Variants in APCDD1L observed in about 807,000 individuals in gnomAD.
APCDD1L encodes the protein protein APCDD1-like.
A neutral mutation model predicts 24.2 loss-of-function variants in APCDD1L; 21 were observed. The ratio of observed to expected loss-of-function variants is 0.87; its 90% CI spans 0.61 to 1.25. The LOEUF (loss-of-function observed/expected upper bound fraction) is 1.25. Among genes scored for constraint, APCDD1L ranks in the 50% most tolerant of loss-of-function variants. The pLI, the probability that APCDD1L is intolerant of heterozygous loss-of-function variation, is 0.00. For synonymous variants in APCDD1L, 321 were observed against 323.6 expected, an observed-to-expected ratio of 0.99 and a Z score of 0.09; for missense variants, 704 against 711.7, an observed-to-expected ratio of 0.99 and a Z score of 0.12.
chr20:58,461,219 A>C lies in APCDD1L; in HGVS notation c.1077T>G (p.His359Gln), dbSNP rs769339797. The C allele has an allele frequency of 6.2e-7, 1 of 1,613,596 alleles. No individual in the cohort carries two copies. The highest frequency in any genetic ancestry group is 1.7e-5 in the Admixed American group (1 of 60,010). ...TELVFEVTRAHVTPMDQVTTA... is the reference protein window; with the variant it reads ...TELVFEVTRAQVTPMDQVTTA... The stretch of plus-strand genomic sequence containing the variant: ...TGGTGACCTGGTCCATGGGGGTCAC[A>C]TGGGCCCGTGTGACCTCAAACACCA... Residue 359 changes from histidine to glutamine, a missense_variant, in exon 4 of 4, where the codon CAT (histidine) becomes CAG (glutamine). Physicochemically the swap from His to Gln is conservative, Grantham distance 24 (BLOSUM62 0). Transcript: ENST00000371149. The surrounding 1 kb of genome is among the most constrained non-coding windows in gnomAD (Gnocchi z 6.0).
intron 1 of APCDD1L, among the ~76,000 whole-genome samples, chr20:58,500,017 A>G (rs1990401176): frequency 6.6e-6 from 1 of 152,188 alleles, no homozygotes; most frequent in Non-Finnish European, 1.5e-5. Flanking sequence ...ACATGTAAAT[A>G]TTTTAGTTTT....
Position 58,461,217 on chromosome 20 carries a change from A to G in APCDD1L, c.1079T>C (p.Val360Ala), listed in dbSNP as rs1172495763. The G allele has an allele frequency of 1.2e-6, 2 of 1,613,648 alleles. No homozygotes were observed. The highest frequency in any genetic ancestry group is 1.7e-6 in the Non-Finnish European group (2 of 1,179,866). Residue 360 changes from valine (V) to alanine (A), a missense_variant, in exon 4 of 4, where the codon GTG becomes GCG. Transcript: ENST00000371149. This position sits in a 1 kb window ranked among gnomAD's most constrained non-coding sequence, Gnocchi z 6.0. The stretch of plus-strand genomic sequence containing the variant: ...CGTGGTGACCTGGTCCATGGGGGTC[A>G]CATGGGCCCGTGTGACCTCAAACAC... ...ELVFEVTRAH[V>A]TPMDQVTTAM...
At chr20:58,482,959 T>C (rs1990050678) in intron 1 of APCDD1L, among the ~76,000 whole-genome samples, 1 of 152,218 alleles carries the variant, frequency 6.6e-6, no homozygotes, top group African/African-American at 2.4e-5. Flanking sequence ...GAGAGGCATC[T>C]ACAAGGGCTC....
chr20:58,507,778 G>C (rs1367702015), intron 1 of APCDD1L, among the ~76,000 whole-genome samples: 1 of 152,156 alleles, frequency 6.6e-6, no homozygotes, highest in Non-Finnish European at 1.5e-5. Flanking sequence ...TGAATATAAA[G>C]AGCACTTACA....
chr20:58,494,225 C>T lies in APCDD1L; in HGVS notation c.49+20434G>A, dbSNP rs1432013292. Among the ~76,000 whole-genome samples the T allele has an allele frequency of 6.6e-6, 1 of 152,184 alleles. No homozygotes were observed. The highest frequency in any genetic ancestry group is 1.5e-5 in the Non-Finnish European group (1 of 68,032). On this transcript the variant is annotated intron_variant, in intron 1 of 3. Transcript: ENST00000371149. This position sits in a 1 kb window ranked among gnomAD's most constrained non-coding sequence, Gnocchi z 4.8. ...AAATCTGGGGATAAGTGGACCTGGGCAGGTGAAACTCATGTGGTTTAAGGG... is the reference window on the plus strand; with the variant it reads ...AAATCTGGGGATAAGTGGACCTGGGTAGGTGAAACTCATGTGGTTTAAGGG...
intron 1 of APCDD1L, among the ~76,000 whole-genome samples, chr20:58,478,472 G>A (rs750450145): frequency 6.7e-6 from 1 of 149,646 alleles, no homozygotes; most frequent in Non-Finnish European, 1.5e-5. Context: ...GTGACTCCAC[G>A]AGTCTGCCAG....
chr20:58,512,115 G>A (rs1990640381), intron 1 of APCDD1L, among the ~76,000 whole-genome samples: 1 of 152,220 alleles, frequency 6.6e-6, no homozygotes, highest in Non-Finnish European at 1.5e-5. Flanking sequence ...ACCGCAGCCT[G>A]GCTCCTGCGG....
chr20:58,461,985 C>T lies in APCDD1L; in HGVS notation c.742-431G>A, dbSNP rs1006832841. 11 of 170,932 alleles carry T rather than the reference C, an allele frequency of 6.4e-5. 1 individual carries two copies. The Admixed American group carries it at 7.0e-4, about 11-fold the overall frequency. 10.6% of individuals were successfully genotyped at this position (170,932 alleles called of 1,614,324 possible). A position where few individuals can be genotyped will look rare whatever the true frequency, so the allele number is the denominator to read the frequency against. ...CACCCCTCATCAAACTGGAATGCAT[C>T]GTGCCTTACAGTACTAAAAAGCCCT... On this transcript the variant is annotated intron_variant, in intron 3 of 3. Coordinates refer to ENST00000371149, the MANE Select transcript of APCDD1L (RefSeq NM_153360.3). The surrounding 1 kb of genome is among the most constrained non-coding windows in gnomAD (Gnocchi z 6.0).
intron 1 of APCDD1L, among the ~76,000 whole-genome samples, chr20:58,476,841 T>C (rs893731698): frequency 6.6e-6 from 1 of 152,232 alleles, no homozygotes; most frequent in African/African-American, 2.4e-5. Context: ...TTGGCTGCCT[T>C]GAGGCTATTG....
intron 3 of APCDD1L, among the ~76,000 whole-genome samples, chr20:58,466,502 C>T (rs1476187903): frequency 6.6e-6 from 1 of 152,252 alleles, no homozygotes; most frequent in Non-Finnish European, 1.5e-5. Flanking sequence ...GGCATCTGGG[C>T]TGGTGTGCGC....
chr20:58,507,393 G>T (rs1383436522), intron 1 of APCDD1L, among the ~76,000 whole-genome samples: 1 of 152,200 alleles, frequency 6.6e-6, no homozygotes, highest in Non-Finnish European at 1.5e-5. Flanking sequence ...GAGAGGTTGT[G>T]AGGATGAAAT....
rs1989571872 is a variant in APCDD1L, at chr20:58,460,419, G to A, written c.*371C>T. On this transcript the variant is annotated 3_prime_UTR_variant, in exon 4 of 4. Coordinates refer to ENST00000371149, the MANE Select transcript of APCDD1L (RefSeq NM_153360.3). This position sits in a 1 kb window ranked among gnomAD's most constrained non-coding sequence, Gnocchi z 4.2. ...TCTTGGAATCCCAAGGGTCAGGATG[G>A]GAAGAACTGGGGGGAACATGGGATG... 5.4e-6 allele frequency: 1 copy of A among 186,292 alleles called. No individual in the cohort carries two copies. Among genetic ancestry groups the A allele is most frequent in the African/African-American group, 2.3e-5 (1 of 42,786 alleles). 11.5% of individuals were successfully genotyped at this position (186,292 alleles called of 1,614,324 possible).
chr20:58,475,502 T>A (rs1051062523), intron 1 of APCDD1L, among the ~76,000 whole-genome samples: 2 of 152,198 alleles, frequency 1.3e-5, no homozygotes, highest in African/African-American at 4.8e-5. Flanking sequence ...TTTAATTATT[T>A]TCTTTTAATA....
At chr20:58,487,328 G>A (rs1369322749) in intron 1 of APCDD1L, among the ~76,000 whole-genome samples, 5 of 151,200 alleles carry the variant, frequency 3.3e-5, no homozygotes, top group Non-Finnish European at 7.4e-5. Context: ...TAAAATAATA[G>A]AAGCATTGTG....
chr20:58,474,117 C>T lies in APCDD1L; in HGVS notation c.50-3370G>A, dbSNP rs530076459. On this transcript the variant is annotated intron_variant, in intron 1 of 3. Transcript: ENST00000371149. ...CTTGAGATCATCAAATGGTGCCCAG[C>T]GTCTCCTGAGCACACATTCTGGGAG... Among the ~76,000 whole-genome samples the T allele has an allele frequency of 5.3e-5, 8 of 152,340 alleles. No homozygotes were observed. In the South Asian group the frequency reaches 1.7e-3, roughly 32 times the overall value.
intron 1 of APCDD1L, among the ~76,000 whole-genome samples, chr20:58,510,190 A>G (rs1046101594): frequency 6.6e-6 from 1 of 152,144 alleles, no homozygotes; most frequent in African/African-American, 2.4e-5. Context: ...CTCATTTAAG[A>G]TTTAGTTGCC....
chr20:58,494,714 A>G lies in APCDD1L; in HGVS notation c.49+19945T>C, dbSNP rs2123175367. Among the ~76,000 whole-genome samples, 1 of 152,276 alleles carries G rather than the reference A, an allele frequency of 6.6e-6. No individual in the cohort carries two copies. The highest frequency in any genetic ancestry group is 2.1e-4 in the South Asian group (1 of 4,832). ...ATAAAAATGCACATTTGATCAAGTC[A>G]GTCCTGTTGAAAGCCCCTTCCATTC... On this transcript the variant is annotated intron_variant, in intron 1 of 3. Coordinates refer to ENST00000371149, the MANE Select transcript of APCDD1L (RefSeq NM_153360.3). The surrounding 1 kb of genome is among the most constrained non-coding windows in gnomAD (Gnocchi z 4.8).
rs753405213 is a variant in APCDD1L at position 58,508,793 on chromosome 20, T to A, written c.49+5866A>T. ...AGGCCTTCTTCTTGTGCAGCCTACT[T>A]TGTAGTGAGGAACAGACTGTAAACA... On this transcript the variant is annotated intron_variant, in intron 1 of 3. Transcript: ENST00000371149. This position sits in a 1 kb window ranked among gnomAD's most constrained non-coding sequence, Gnocchi z 4.0. 6.6e-6 allele frequency among the ~76,000 whole-genome samples: 1 copy of A among 152,178 alleles called. No individual in the cohort carries two copies. The highest frequency in any genetic ancestry group is 1.5e-5 in the Non-Finnish European group (1 of 68,034).
chr20:58,499,036 A>G (rs79737635), intron 1 of APCDD1L, among the ~76,000 whole-genome samples: 3,810 of 152,322 alleles, frequency 0.025, 152 homozygotes, highest in African/African-American at 0.087. Flanking sequence ...GACCCACAGT[A>G]AAAGTCACCG....
Sources: gnomAD v4.1 joint callset for allele counts (sites outside exome capture counted in the v4.1 genomes callset) on GRCh38, gnomAD v4.1.1 for gene constraint, Gnocchi (gnomAD v3.1) non-coding constraint, MANE v1.5 for transcripts, NCBI Gene and HGNC (gene_info 2026-07-23, HGNC 2026-07-21) for gene names.